The following ABCA8 variants were observed in gnomAD, a reference collection of about 807,000 sequenced individuals.
The protein encoded by ABCA8 is ATP binding cassette subfamily A member 8, also known as ABC-type organic anion transporter ABCA8.
Under a neutral mutation model 192.3 loss-of-function variants are expected in ABCA8, and 177 were observed. That is an observed-to-expected ratio of 0.92 (90% CI 0.81 to 1.04). The LOEUF is 1.04. Among genes scored for constraint, ABCA8 ranks in the 50% least tolerant of loss-of-function variants. ABCA8 has a pLI of 0.00. For synonymous variants in ABCA8, 642 were observed against 690.2 expected (o/e 0.93, Z 1.09); for missense variants, 1,915 against 1,904.8 (o/e 1.01, Z -0.10).
intron 10 of ABCA8, among the ~76,000 whole-genome samples, chr17:68,925,842 T>C (rs927365322): frequency 9.2e-5 from 14 of 152,244 alleles, no homozygotes; most frequent in African/African-American, 3.4e-4. Flanking sequence ...TCTGTCATTC[T>C]TATTTATTAT....
At chr17:68,940,412 C>T (rs1598289648) in intron 4 of ABCA8, among the ~76,000 whole-genome samples, 1 of 152,210 alleles carries the variant, frequency 6.6e-6, no homozygotes, top group Admixed American at 6.5e-5. Context: ...GGTGACAATG[C>T]TTTCAGAGTC....
At chr17:68,944,359 T>TATATATATATATATATAC (rs765731645) in intron 2 of ABCA8, among the ~76,000 whole-genome samples, 1 of 69,464 alleles carries the variant, frequency 1.4e-5, no homozygotes, top group East Asian at 4.8e-4. Context: ...TATATATATA[T>TATATATATATATATATAC]ACACATATAC....
intron 4 of ABCA8, among the ~76,000 whole-genome samples, chr17:68,938,963 G>T (rs1050765785): frequency 1.3e-5 from 2 of 152,020 alleles, no homozygotes; most frequent in Admixed American, 1.3e-4. Flanking sequence ...AGTTATTCTG[G>T]TTATAACAAC....
At position 68,867,980 on chromosome 17, in the gene ABCA8, T is replaced by C. The variant is rs964751420; in HGVS notation, c.*105A>G. On this transcript the variant is annotated 3_prime_UTR_variant, in exon 40 of 40. Transcript: ENST00000586539. The stretch of plus-strand genomic sequence containing the variant: ...CTCCTCCCACCACACGGAGAACCAT[T>C]TCTGTACTTATAATATAGTTTCTAA... 6.7e-6 allele frequency: 6 copies of C among 899,018 alleles called. No individual in the cohort carries two copies. The highest frequency in any genetic ancestry group is 8.3e-6 in the Non-Finnish European group (5 of 598,838). 55.7% of individuals were successfully genotyped at this position (899,018 alleles called of 1,614,324 possible).
chr17:68,908,113 C>G (rs747811622), intron 17 of ABCA8, among the ~76,000 whole-genome samples: 7 of 152,110 alleles, frequency 4.6e-5, no homozygotes, highest in African/African-American at 1.7e-4. Context: ...ATGAGAGTTA[C>G]TGGTGAGGTT....
chr17:68,875,857 G>A, intron 35 of ABCA8, 124 bp from the exon 36 acceptor site: 1 of 1,149,648 alleles, frequency 8.7e-7, no homozygotes, highest in South Asian at 1.7e-5. Context: ...AGTAAAAGAG[G>A]GTTCTTAATA....
intron 19 of ABCA8, among the ~76,000 whole-genome samples, chr17:68,905,655 G>A (rs538927153): frequency 6.6e-6 from 1 of 152,216 alleles, no homozygotes; most frequent in East Asian, 1.9e-4. Context: ...GATATCTGTG[G>A]AACAGTACAA....
At chr17:68,891,177 A>G (rs2066614053) in intron 24 of ABCA8, among the ~76,000 whole-genome samples, 1 of 152,206 alleles carries the variant, frequency 6.6e-6, no homozygotes, top group African/African-American at 2.4e-5. Flanking sequence ...AATACAACAC[A>G]TTCTTAATTA....
At chr17:68,876,378 G>A (rs1436329656) in intron 35 of ABCA8, 82 bp downstream of exon 35, 6 of 1,562,806 alleles carry the variant, frequency 3.8e-6, no homozygotes, top group Middle Eastern at 3.4e-4. Flanking sequence ...GAGTTTAAGG[G>A]ACAATTTTTA....
chr17:68,918,393 C>G, intron 15 of ABCA8, 34 bp downstream of exon 15: 2 of 1,547,606 alleles, frequency 1.3e-6, no homozygotes, highest in Non-Finnish European at 1.7e-6. Flanking sequence ...ATTTTTTAAA[C>G]TTTGAATTCA....
intron 18 of ABCA8, 23 bp from the exon 19 acceptor site, chr17:68,906,186 T>C: frequency 6.8e-7 from 1 of 1,461,150 alleles, no homozygotes; most frequent in Non-Finnish European, 9.1e-7. Flanking sequence ...TATACAGCAG[T>C]GAATTAAAAC....
intron 11 of ABCA8, among the ~76,000 whole-genome samples, chr17:68,924,244 G>A (rs1327758072): frequency 6.6e-6 from 1 of 151,838 alleles, no homozygotes; most frequent in Admixed American, 6.6e-5. Flanking sequence ...TACTTGGGAG[G>A]CTGAGGCAGG....
In ABCA8 at chr17:68,911,231, G is replaced by A. The variant is rs140877658; in HGVS notation, c.2139-3352C>T. On this transcript the variant is annotated intron_variant, in intron 17 of 39. Coordinates refer to ENST00000586539, the MANE Select transcript of ABCA8 (RefSeq NM_001288985.2). This position sits in a 1 kb window ranked among gnomAD's most constrained non-coding sequence, Gnocchi z 5.7. ...TGCCCTGAAGGGAGCTGCTACCCAGGCCTGGCAGCATGTACTACAAGCTGC... is the reference window on the plus strand; with the variant it reads ...TGCCCTGAAGGGAGCTGCTACCCAGACCTGGCAGCATGTACTACAAGCTGC... Among the ~76,000 whole-genome samples the A allele has an allele frequency of 1.3e-5, 2 of 152,138 alleles. No individual in the cohort carries two copies. The highest frequency in any genetic ancestry group is 2.9e-5 in the Non-Finnish European group (2 of 67,980).
intron 13 of ABCA8, among the ~76,000 whole-genome samples, chr17:68,920,463 CAGAT>C (rs1187243371): frequency 1.3e-5 from 2 of 149,846 alleles, no homozygotes; most frequent in East Asian, 1.9e-4. Context: ...AAAGAGTTGA[CAGAT>C]AGAAGCTGGA....
chr17:68,888,626 A>G lies in ABCA8; in HGVS notation c.3145-1120T>C, dbSNP rs531017805. ...GCATGTGGTGCTGCTATATATGGAG[A>G]AAATAGCAAGGGGGGAAGACATTTA... is the stretch of plus-strand genomic sequence containing the variant. On this transcript the variant is annotated intron_variant, in intron 24 of 39. Coordinates refer to ENST00000586539, the MANE Select transcript of ABCA8 (RefSeq NM_001288985.2). 2.0e-5 allele frequency among the ~76,000 whole-genome samples: 3 copies of G among 152,260 alleles called. No individual in the cohort carries two copies. In the East Asian group the frequency reaches 5.8e-4, roughly 29 times the overall value.
At position 68,949,440 on chromosome 17, in the gene ABCA8, A is replaced by G. The variant is rs1486968586; in HGVS notation, c.-134T>C. 1 of 152,168 alleles carries G rather than the reference A, an allele frequency of 6.6e-6. No individual in the cohort carries two copies. The highest frequency in any genetic ancestry group is 1.5e-5 in the Non-Finnish European group (1 of 68,034). 9.4% of individuals were successfully genotyped at this position (152,168 alleles called of 1,614,324 possible). On this transcript the variant is annotated 5_prime_UTR_variant, in exon 2 of 40. It removes an upstream start codon present in the reference 5' UTR. Transcript: ENST00000586539. Reference sequence around the variant, plus strand: ...AAAGAGGGACTCCTCTCTAACTCACATTATGAGGCCAACATCATCCTGCTA... The same window carrying G: ...AAAGAGGGACTCCTCTCTAACTCACGTTATGAGGCCAACATCATCCTGCTA...
Position 68,895,376 on chromosome 17 carries a change from A to C in ABCA8, c.2765-363T>G, listed in dbSNP as rs192534455. Among the ~76,000 whole-genome samples the C allele has an allele frequency of 7.4e-4, 112 of 152,280 alleles. 1 individual carries two copies. The highest frequency in any genetic ancestry group is 2.2e-3 in the Admixed American group (34 of 15,288). On this transcript the variant is annotated intron_variant, in intron 21 of 39. Transcript: ENST00000586539. ...CTGCTAGATTATTAATTAATTTTCA[A>C]AATTTTCTTGATACTGGAAGACAAC...
intron 17 of ABCA8, among the ~76,000 whole-genome samples, chr17:68,915,548 A>G (rs1237823387): frequency 6.6e-6 from 1 of 152,206 alleles, no homozygotes; most frequent in Non-Finnish European, 1.5e-5. Context: ...TGATCACCAG[A>G]GAAATGCAAA....
At position 68,875,938 on chromosome 17, in the gene ABCA8, C is replaced by T. The variant is rs148743502; in HGVS notation, c.4371-205G>A. 9.9e-4 allele frequency among the ~76,000 whole-genome samples: 150 copies of T among 152,142 alleles called. 1 individual carries two copies. Among genetic ancestry groups the T allele is most frequent in the South Asian group, 3.3e-3 (16 of 4,820 alleles). ...CTGGAATCATGCATTGGAAGAGGGG[C>T]GTTTACAGAACACAACATTCATTAT... On this transcript the variant is annotated intron_variant, in intron 35 of 39. Coordinates refer to ENST00000586539, the MANE Select transcript of ABCA8 (RefSeq NM_001288985.2).
Sources: allele counts gnomAD v4.1 joint callset (sites outside exome capture counted in the v4.1 genomes callset), GRCh38; gene constraint gnomAD v4.1.1; non-coding constraint Gnocchi (gnomAD v3.1); transcripts MANE v1.5; gene names NCBI Gene and HGNC (gene_info 2026-07-23, HGNC 2026-07-21).